Variants in CCDC171 observed in about 807,000 individuals in gnomAD.
CCDC171 encodes the protein coiled-coil domain containing 171.
Under a neutral mutation model 168.2 loss-of-function variants are expected in CCDC171, and 177 were observed. The observed-to-expected ratio is 1.05, with a 90% CI of 0.93 to 1.19. The LOEUF (loss-of-function observed/expected upper bound fraction) is 1.19, where lower values mean the gene tolerates loss of function less well. Ranked by LOEUF, CCDC171 falls within the 50% of genes most tolerant of loss-of-function variation. CCDC171 has a pLI of 0.00. For missense variants in CCDC171, 1,991 were observed against 1,539.0 expected (o/e 1.29, Z -4.91); for synonymous variants, 687 against 540.8 (o/e 1.27, Z -3.75).
intron 24 of CCDC171, chr9:15,876,212 A>G (rs1376265780): frequency 1.3e-5 from 2 of 152,140 alleles, no homozygotes; most frequent in African/African-American, 4.8e-5. Context: ...AGGTTCTAAT[A>G]AAAATATTAG....
chr9:15,742,899 T>G lies in CCDC171; in HGVS notation c.2050-1374T>G, dbSNP rs565745519. On this transcript the variant is annotated intron_variant, in intron 16 of 25. Coordinates refer to ENST00000380701, the MANE Select transcript of CCDC171 (RefSeq NM_173550.4). ...AGAGATCCTCCCACCTTCACCCTCT[T>G]GAGTAGCTAGAACTATACACATACC... 3.9e-5 allele frequency among the ~76,000 whole-genome samples: 6 copies of G among 152,128 alleles called. No homozygotes were observed. In the East Asian group the frequency reaches 1.2e-3, roughly 29 times the overall value.
intron 23 of CCDC171, among the ~76,000 whole-genome samples, chr9:15,854,330 G>T (rs569567469): frequency 6.6e-6 from 1 of 151,384 alleles, no homozygotes; most frequent in South Asian, 2.1e-4. Context: ...GGTAGTTTGT[G>T]TGTTTCTAGG....
At chr9:16,019,157 A>T (rs940744141) in intron 3 of CCDC171, among the ~76,000 whole-genome samples, 1 of 152,138 alleles carries the variant, frequency 6.6e-6, no homozygotes, top group Non-Finnish European at 1.5e-5. Flanking sequence ...GAAATTGTCA[A>T]TGGAATTGCA....
the CCDC171 span, among the ~76,000 whole-genome samples, chr9:16,101,440 G>C: frequency 0.1 from 15,834 of 152,224 alleles, 1,859 homozygotes; most frequent in African/African-American, 0.29. Flanking sequence ...CTGGTATAAT[G>C]TCTTACCCCA....
chr9:15,751,798 T>C (rs1427655842), intron 18 of CCDC171, among the ~76,000 whole-genome samples: 1 of 151,996 alleles, frequency 6.6e-6, no homozygotes, highest in East Asian at 1.9e-4. Context: ...CCTAAAACCA[T>C]AAAAACGCTA....
intron 24 of CCDC171, among the ~76,000 whole-genome samples, chr9:15,880,343 A>G (rs1818449931): frequency 6.6e-6 from 1 of 152,202 alleles, no homozygotes; most frequent in Non-Finnish European, 1.5e-5. Context: ...TTGCCAATTG[A>G]TAAATTGTAG....
intron 24 of CCDC171, among the ~76,000 whole-genome samples, chr9:15,913,813 G>A (rs1288784766): frequency 2.6e-5 from 4 of 152,064 alleles, no homozygotes; most frequent in Non-Finnish European, 4.4e-5. Context: ...GGTGACCTTC[G>A]GATGGAGTTT....
chr9:16,063,030 C>A (rs1196158944), downstream of CCDC171, among the ~76,000 whole-genome samples: 1 of 152,070 alleles, frequency 6.6e-6, no homozygotes, highest in Non-Finnish European at 1.5e-5. Flanking sequence ...GTTGCATCAC[C>A]CCCGTGTTAC....
chr9:16,017,731 G>A (rs1483740038), intron 3 of CCDC171, among the ~76,000 whole-genome samples: 3 of 152,146 alleles, frequency 2.0e-5, no homozygotes, highest in Non-Finnish European at 4.4e-5. Flanking sequence ...AACTGACCTT[G>A]GGTGAACTTG....
intron 7 of CCDC171, among the ~76,000 whole-genome samples, chr9:15,642,569 T>C (rs1031887612): frequency 2.6e-5 from 4 of 151,736 alleles, no homozygotes; most frequent in South Asian, 2.1e-4. Context: ...ATTAATTCAT[T>C]GGACTAGAAG....
chr9:15,590,518 T>C (rs1022918264), intron 4 of CCDC171, among the ~76,000 whole-genome samples: 4 of 151,338 alleles, frequency 2.6e-5, no homozygotes, highest in African/African-American at 9.7e-5. Flanking sequence ...TGTTAGTGTG[T>C]TGATAGGTGT....
chr9:15,869,561 G>A (rs1217985487), intron 23 of CCDC171, among the ~76,000 whole-genome samples: 1 of 150,594 alleles, frequency 6.6e-6, no homozygotes, highest in Non-Finnish European at 1.5e-5. Flanking sequence ...GTATTACAGA[G>A]TATATGGTTA....
chr9:15,685,561 G>T (rs999164109), intron 10 of CCDC171, among the ~76,000 whole-genome samples: 1 of 152,190 alleles, frequency 6.6e-6, no homozygotes, highest in Non-Finnish European at 1.5e-5. Context: ...CTTGAGTCTG[G>T]GAGGTTGAGG....
the CCDC171 span, among the ~76,000 whole-genome samples, chr9:16,083,984 G>A: frequency 6.6e-6 from 1 of 152,284 alleles, no homozygotes; most frequent in South Asian, 2.1e-4. Flanking sequence ...GCTAAGATAA[G>A]TGGTAGACTA....
At chr9:15,774,774 A>C (rs1461041635) in intron 18 of CCDC171, among the ~76,000 whole-genome samples, 4 of 152,250 alleles carry the variant, frequency 2.6e-5, no homozygotes. Flanking sequence ...CTACTCAGCC[A>C]CAAAAAGGAA....
At chr9:15,692,323 A>C (rs1242084325) in intron 10 of CCDC171, among the ~76,000 whole-genome samples, 1 of 151,782 alleles carries the variant, frequency 6.6e-6, no homozygotes, top group Non-Finnish European at 1.5e-5. Flanking sequence ...CACTGAGCCG[A>C]GATTGTTCTA....
At chr9:15,755,683 A>G (rs867573856) in intron 18 of CCDC171, among the ~76,000 whole-genome samples, 2 of 152,218 alleles carry the variant, frequency 1.3e-5, no homozygotes, top group Middle Eastern at 3.2e-3. Flanking sequence ...ATGTAGTGAA[A>G]GAGGATGGTG....
At chr9:15,730,090 A>T (rs922690676) in intron 16 of CCDC171, among the ~76,000 whole-genome samples, 5 of 151,944 alleles carry the variant, frequency 3.3e-5, no homozygotes, top group Non-Finnish European at 7.4e-5. Context: ...TCCTTTATTT[A>T]TTTTTAAAAT....
intron 21 of CCDC171, among the ~76,000 whole-genome samples, chr9:15,839,745 A>T (rs1175588564): frequency 1.3e-5 from 2 of 152,182 alleles, no homozygotes; most frequent in African/African-American, 4.8e-5. Flanking sequence ...TGTACAAGAA[A>T]ATATGTGGAA....
Sources: allele counts gnomAD v4.1 joint callset (sites outside exome capture counted in the v4.1 genomes callset), GRCh38; gene constraint gnomAD v4.1.1; transcripts MANE v1.5; gene names NCBI Gene and HGNC (gene_info 2026-07-23, HGNC 2026-07-21).